The following SLIT2 variants were observed in gnomAD, a reference collection of about 807,000 sequenced individuals.
The protein encoded by SLIT2 is slit guidance ligand 2, also known as slit homolog 2 protein.
SLIT2 carries 41 observed loss-of-function variants against 185.7 expected under a neutral mutation model. The observed-to-expected ratio is 0.22, with a 90% CI of 0.17 to 0.29. SLIT2 has a LOEUF of 0.29. Among genes scored for constraint, SLIT2 ranks in the 10% least tolerant of loss-of-function variants. SLIT2 has a pLI of 1.00. For synonymous variants in SLIT2, 693 were observed against 680.2 expected (o/e 1.02, Z -0.29); for missense variants, 1,571 against 1,909.0 (o/e 0.82, Z 3.30).
chr4:20,491,206 TAAATTG>T (rs1330021548), intron 8 of SLIT2, among the ~76,000 whole-genome samples: 2 of 152,246 alleles, frequency 1.3e-5, no homozygotes, highest in Non-Finnish European at 2.9e-5. Flanking sequence ...TGATTTCAGA[TAAATTG>T]ATAATTTTGA....
intron 4 of SLIT2, among the ~76,000 whole-genome samples, chr4:20,396,493 A>G (rs546151698): frequency 4.4e-4 from 67 of 151,822 alleles, no homozygotes; most frequent in Middle Eastern, 3.2e-3. Flanking sequence ...TATACTTGTC[A>G]TATAATTCTG....
chr4:20,331,141 C>A (rs1720031766), intron 4 of SLIT2, among the ~76,000 whole-genome samples: 1 of 152,070 alleles, frequency 6.6e-6, no homozygotes, highest in Non-Finnish European at 1.5e-5. Context: ...TATGCAGTCT[C>A]TTTTATGATA....
At chr4:20,429,758 C>T (rs1728828309) in intron 4 of SLIT2, among the ~76,000 whole-genome samples, 1 of 151,926 alleles carries the variant, frequency 6.6e-6, no homozygotes, top group Admixed American at 6.6e-5. Context: ...ATGGAAAATC[C>T]CTGTGCCATA....
At chr4:20,422,460 G>A (rs1461973501) in intron 4 of SLIT2, among the ~76,000 whole-genome samples, 1 of 152,120 alleles carries the variant, frequency 6.6e-6, no homozygotes, top group African/African-American at 2.4e-5. Context: ...ATAGGAAATT[G>A]CCACTATTTG....
chr4:20,515,902 G>T (rs1720164621), intron 11 of SLIT2, among the ~76,000 whole-genome samples: 1 of 152,030 alleles, frequency 6.6e-6, no homozygotes, highest in South Asian at 2.1e-4. Context: ...TGCAACCTCC[G>T]CCTCCCAGAT....
chr4:20,342,750 T>C (rs1405931284), intron 4 of SLIT2, among the ~76,000 whole-genome samples: 55 of 56,594 alleles, frequency 9.7e-4, no homozygotes, highest in African/African-American at 4.1e-3. Flanking sequence ...TTTGCACAAA[T>C]ACACGTTCTA....
intron 4 of SLIT2, among the ~76,000 whole-genome samples, chr4:20,456,261 A>T (rs753764013): frequency 9.2e-5 from 14 of 152,100 alleles, no homozygotes; most frequent in Non-Finnish European, 4.4e-5. Flanking sequence ...ATCCCAACAC[A>T]ACCTCTTTTT....
At position 20,619,070 on chromosome 4, in the gene SLIT2, A is replaced by G. The variant is rs1729903084; in HGVS notation, c.*61A>G. ...GTATACTTCTTGACCGTGTGGGACT[A>G]ATGAATGCTTCATAGTGGAAATATT... On this transcript the variant is annotated 3_prime_UTR_variant, in exon 37 of 37. Transcript: ENST00000504154. The G allele has an allele frequency of 4.7e-6, 7 of 1,497,548 alleles. No homozygotes were observed. Among genetic ancestry groups the G allele is most frequent in the Non-Finnish European group, 5.5e-6 (6 of 1,090,040 alleles). 92.8% of individuals were successfully genotyped at this position (1,497,548 alleles called of 1,614,324 possible).
intron 4 of SLIT2, among the ~76,000 whole-genome samples, chr4:20,329,330 T>A (rs1443044247): frequency 6.6e-6 from 1 of 151,914 alleles, no homozygotes; most frequent in African/African-American, 2.4e-5. Flanking sequence ...TATATTAGAA[T>A]AATTAGATGA....
chr4:20,275,783 C>G (rs1714114203), intron 4 of SLIT2, among the ~76,000 whole-genome samples: 1 of 151,986 alleles, frequency 6.6e-6, no homozygotes, highest in Admixed American at 6.6e-5. Context: ...AAATAAATTA[C>G]AGATAGAAAC....
At chr4:20,369,141 AGAT>A (rs1390609105) in intron 4 of SLIT2, among the ~76,000 whole-genome samples, 6 of 152,090 alleles carry the variant, frequency 3.9e-5, no homozygotes, top group Non-Finnish European at 5.9e-5. Flanking sequence ...TTCTTTCCCA[AGAT>A]GGTCCAGGGA....
At chr4:20,539,026 A>T (rs1032411854) in intron 18 of SLIT2, among the ~76,000 whole-genome samples, 1 of 152,128 alleles carries the variant, frequency 6.6e-6, no homozygotes, top group African/African-American at 2.4e-5. Flanking sequence ...TGCAGTGGCT[A>T]TTGATTCTTT....
intron 32 of SLIT2, 46 bp downstream of exon 32, chr4:20,596,701 A>G (rs1728008896): frequency 6.4e-7 from 1 of 1,567,714 alleles, no homozygotes; most frequent in East Asian, 2.2e-5. Flanking sequence ...CTTAAAATTC[A>G]GCTTCAGAGA....
intron 9 of SLIT2, among the ~76,000 whole-genome samples, chr4:20,507,218 A>C (rs1719291355): frequency 6.6e-6 from 1 of 152,014 alleles, no homozygotes; most frequent in South Asian, 2.1e-4. Flanking sequence ...TCAAAAAACA[A>C]GGCCTTATTT....
intron 9 of SLIT2, among the ~76,000 whole-genome samples, chr4:20,498,339 C>T (rs953803633): frequency 6.6e-6 from 1 of 152,214 alleles, no homozygotes; most frequent in Non-Finnish European, 1.5e-5. Context: ...CTGCGTTGAA[C>T]TATGCTAGTT....
At chr4:20,556,502 G>C (rs1460314108) in intron 26 of SLIT2, among the ~76,000 whole-genome samples, 1 of 151,742 alleles carries the variant, frequency 6.6e-6, no homozygotes, top group Admixed American at 6.6e-5. Context: ...TTGCATATTT[G>C]TACTCCACTC....
intron 9 of SLIT2, among the ~76,000 whole-genome samples, chr4:20,510,047 A>G (rs3775812): frequency 0.39 from 58,683 of 152,006 alleles, 12,140 homozygotes; most frequent in African/African-American, 0.54. Context: ...TATGCTTTCC[A>G]TAGAGGAAAT....
rs867606630 is a variant in SLIT2 at position 20,442,546 on chromosome 4, G to T, written c.396-25206G>T. On this transcript the variant is annotated intron_variant, in intron 4 of 36. Coordinates refer to ENST00000504154, the MANE Select transcript of SLIT2 (RefSeq NM_004787.4). ...CTCAAAAAAAAAAAAAAAAAAAAGGGGGGGGAGGGACCGATTTTATGAAGG... is the reference window on the plus strand; with the variant it reads ...CTCAAAAAAAAAAAAAAAAAAAAGGTGGGGGAGGGACCGATTTTATGAAGG... Among the ~76,000 whole-genome samples, 262 of 148,146 alleles carry T rather than the reference G, an allele frequency of 1.8e-3. 6 individuals carry two copies. In the East Asian group the frequency reaches 0.037, roughly 21 times the overall value.
chr4:20,575,492 C>T (rs142716631), intron 29 of SLIT2, among the ~76,000 whole-genome samples: 6 of 152,284 alleles, frequency 3.9e-5, no homozygotes, highest in African/African-American at 1.4e-4. Context: ...CGATAAACCA[C>T]TTATTCAAGG....
Sources: allele counts gnomAD v4.1 joint callset (sites outside exome capture counted in the v4.1 genomes callset), GRCh38; gene constraint gnomAD v4.1.1; transcripts MANE v1.5; gene names NCBI Gene and HGNC (gene_info 2026-07-23, HGNC 2026-07-21).